Variants in DGKG observed in about 807,000 individuals in gnomAD.
DGKG encodes the protein DAG kinase gamma.
Under a neutral mutation model 105.3 loss-of-function variants are expected in DGKG, and 78 were observed. The ratio of observed to expected loss-of-function variants is 0.74; its 90% CI spans 0.62 to 0.89. DGKG has a LOEUF of 0.89. Among genes scored for constraint, DGKG ranks in the 40% least tolerant of loss-of-function variants. The probability of loss-of-function intolerance (pLI) is 0.00; values close to 1 mark genes in which losing one functional copy is unlikely to be tolerated. For synonymous variants in DGKG, 346 were observed against 367.1 expected (o/e 0.94, Z 0.66); for missense variants, 958 against 1,020.1 (o/e 0.94, Z 0.83).
At chr3:186,266,390 T>C in intron 13 of DGKG, among the ~76,000 whole-genome samples, 1 of 152,224 alleles carries the variant, frequency 6.6e-6, no homozygotes, top group East Asian at 1.9e-4. Context: ...TCTATTCTCC[T>C]GTTAATGGTC....
In DGKG at chr3:186,148,521, T is replaced by C. The variant is rs749888506; in HGVS notation, c.*1569A>G. 1.0e-4 allele frequency: 101 copies of C among 985,346 alleles called. No individual in the cohort carries two copies. The highest frequency in any genetic ancestry group is 1.2e-4 in the Non-Finnish European group (97 of 829,958). The allele number at this position is 985,346 out of a possible 1,614,324, so 61.0% of individuals were successfully genotyped here. A position where few individuals can be genotyped will look rare whatever the true frequency, so the allele number is the denominator to read the frequency against. Reference sequence around the variant, plus strand: ...CATGTGCTGTACGTTTGTTCCTCCCTGGCAACCTGGATCCAAGTGGACTCA... The same window carrying C: ...CATGTGCTGTACGTTTGTTCCTCCCCGGCAACCTGGATCCAAGTGGACTCA... On this transcript the variant is annotated 3_prime_UTR_variant, in exon 25 of 25. Transcript: ENST00000265022.
chr3:186,161,540 A>G (rs1553796297), intron 24 of DGKG, 63 bp downstream of exon 24: 1 of 1,611,894 alleles, frequency 6.2e-7, no homozygotes, highest in South Asian at 1.1e-5. Context: ...ATATTAAGTC[A>G]GTGCCCAAAA....
In DGKG at chr3:186,279,990, G is replaced by A; in HGVS notation, c.670-17C>T. 4.3e-6 allele frequency: 7 copies of A among 1,613,400 alleles called. No individual in the cohort carries two copies. Among genetic ancestry groups the A allele is most frequent in the East Asian group, 2.2e-5 (1 of 44,866 alleles). On this transcript the variant is annotated splice_polypyrimidine_tract_variant and intron_variant, in intron 8 of 24. Coordinates refer to ENST00000265022, the MANE Select transcript of DGKG (RefSeq NM_001346.3). Reference sequence around the variant, plus strand: ...CTTCAATATCTGTGGAATCCAAAGAGCAATCATTGTCCATTTTCATCATCG... The same window carrying A: ...CTTCAATATCTGTGGAATCCAAAGAACAATCATTGTCCATTTTCATCATCG...
At position 186,297,432 on chromosome 3, in the gene DGKG, G is replaced by T. The variant is rs1188903461; in HGVS notation, c.362C>A (p.Ala121Asp). ...TTCCAAAGACTTACCAGTATCAGGG[G>T]CACAGGCCTCGTCTGCTTTGGTGGC... is the stretch of plus-strand genomic sequence containing the variant. Reference protein sequence around the residue: ...DNATKADEACAPDTESNMAEK... With the variant: ...DNATKADEACDPDTESNMAEK... The change falls in exon 5 of 25, where the codon GCC becomes GAC. Residue 121 changes from alanine (A) to aspartate (D), a missense_variant. Physicochemically the swap from Ala to Asp is moderately radical, Grantham distance 126 (BLOSUM62 -2). This residue lies in a region of DGKG where 643 missense variants were observed against 619.5 expected (regional missense o/e 1.04). Coordinates refer to ENST00000265022, the MANE Select transcript of DGKG (RefSeq NM_001346.3). The T allele has an allele frequency of 1.2e-6, 2 of 1,610,918 alleles. No individual in the cohort carries two copies. Among genetic ancestry groups the T allele is most frequent in the Admixed American group, 3.3e-5 (2 of 60,022 alleles).
chr3:186,306,194 G>A (rs1328977346), intron 3 of DGKG, among the ~76,000 whole-genome samples: 1 of 152,176 alleles, frequency 6.6e-6, no homozygotes, highest in African/African-American at 2.4e-5. Context: ...GAATTTGGAG[G>A]CAATGAGTAT....
At chr3:186,295,931 AC>A (rs1268876597) in intron 5 of DGKG, among the ~76,000 whole-genome samples, 3 of 152,088 alleles carry the variant, frequency 2.0e-5, no homozygotes, top group Non-Finnish European at 2.9e-5. Context: ...AGATGGCAAA[AC>A]CCTGTCTGTA....
At chr3:186,299,482 T>C (rs540682503) in intron 3 of DGKG, among the ~76,000 whole-genome samples, 1 of 152,330 alleles carries the variant, frequency 6.6e-6, no homozygotes, top group Admixed American at 6.5e-5. Flanking sequence ...TCCGTCTCCT[T>C]TGCAGAGTGA....
chr3:186,254,958 A>C (rs1211979796), intron 17 of DGKG, among the ~76,000 whole-genome samples: 1 of 152,106 alleles, frequency 6.6e-6, no homozygotes, highest in Non-Finnish European at 1.5e-5. Context: ...CCCACGCAAC[A>C]TGTCAACCGT....
chr3:186,148,079 C>A lies in DGKG; in HGVS notation c.*2011G>T. On this transcript the variant is annotated 3_prime_UTR_variant, in exon 25 of 25. Coordinates refer to ENST00000265022, the MANE Select transcript of DGKG (RefSeq NM_001346.3). ...CTCCTGTCCAATGCAAGATTAGAGG[C>A]AGCTCAGTGGAACGATATCAAGTGG... is the stretch of plus-strand genomic sequence containing the variant. 1.0e-6 allele frequency: 1 copy of A among 985,484 alleles called. No homozygotes were observed. Among genetic ancestry groups the A allele is most frequent in the Non-Finnish European group, 1.2e-6 (1 of 829,970 alleles). 61.0% of individuals were successfully genotyped at this position (985,484 alleles called of 1,614,324 possible).
At chr3:186,264,782 C>CA (rs1362809797) in intron 14 of DGKG, among the ~76,000 whole-genome samples, 4 of 151,968 alleles carry the variant, frequency 2.6e-5, no homozygotes, top group African/African-American at 7.3e-5. Flanking sequence ...GTGGAAGACA[C>CA]AAAAAATGTT....
At chr3:186,314,204 C>T (rs1724700839) in intron 2 of DGKG, among the ~76,000 whole-genome samples, 1 of 150,264 alleles carries the variant, frequency 6.7e-6, no homozygotes, top group Non-Finnish European at 1.5e-5. Context: ...CACACACACA[C>T]ACACACACAC....
intron 1 of DGKG, among the ~76,000 whole-genome samples, chr3:186,339,403 G>T (rs1379818391): frequency 1.3e-5 from 2 of 152,172 alleles, no homozygotes; most frequent in African/African-American, 4.8e-5. Flanking sequence ...GAGCAGAAAA[G>T]ACTCCTGTTT....
At chr3:186,221,602 C>T (rs1209049705) in intron 20 of DGKG, among the ~76,000 whole-genome samples, 1 of 152,218 alleles carries the variant, frequency 6.6e-6, no homozygotes, top group Non-Finnish European at 1.5e-5. Flanking sequence ...GATTCCTTAG[C>T]TGTGCTTTCC....
At chr3:186,188,114 TG>T in intron 22 of DGKG, 87 bp downstream of exon 22, 2 of 1,458,474 alleles carry the variant, frequency 1.4e-6, no homozygotes, top group South Asian at 1.2e-5. Context: ...TGCTGGGCTG[TG>T]GGGCCTTACG....
At chr3:186,296,112 C>CA (rs36070727) in intron 5 of DGKG, among the ~76,000 whole-genome samples, 71 of 143,430 alleles carry the variant, frequency 5.0e-4, no homozygotes, top group Admixed American at 2.2e-3. Context: ...TTATCTCAGA[C>CA]AAAAAAAAAA....
At chr3:186,263,112 G>A (rs1454075258) in intron 14 of DGKG, among the ~76,000 whole-genome samples, 3 of 150,016 alleles carry the variant, frequency 2.0e-5, no homozygotes. Context: ...GGGCGACAGA[G>A]CAAGACTCCG....
intron 5 of DGKG, among the ~76,000 whole-genome samples, chr3:186,296,312 G>A (rs758300960): frequency 3.3e-5 from 5 of 152,186 alleles, no homozygotes; most frequent in African/African-American, 9.7e-5. Flanking sequence ...ACATGCCCAC[G>A]GTTACAGAGC....
intron 20 of DGKG, among the ~76,000 whole-genome samples, chr3:186,219,803 C>T (rs1221599060): frequency 1.3e-5 from 2 of 152,156 alleles, no homozygotes; most frequent in South Asian, 2.1e-4. Context: ...TATTGTATAA[C>T]TATGGAATCC....
intron 1 of DGKG, among the ~76,000 whole-genome samples, chr3:186,344,429 G>C (rs549399226): frequency 6.6e-6 from 1 of 152,328 alleles, no homozygotes; most frequent in South Asian, 2.1e-4. Context: ...TATGTCTTTT[G>C]CAGGAACATG....
Sources: allele counts gnomAD v4.1 joint callset (sites outside exome capture counted in the v4.1 genomes callset), GRCh38; gene constraint gnomAD v4.1.1; regional missense constraint gnomAD v4.1.1; transcripts MANE v1.5; gene names NCBI Gene and HGNC (gene_info 2026-07-23, HGNC 2026-07-21).